ANKRD12: variants seen among roughly 807,000 people sequenced by gnomAD.
ANKRD12 encodes the protein ankyrin repeat domain 12.
ANKRD12 carries 85 observed loss-of-function variants against 183.4 expected under a neutral mutation model. That is an observed-to-expected ratio of 0.46 (90% CI 0.39 to 0.56). ANKRD12 has a LOEUF of 0.56. Ranked by LOEUF, ANKRD12 falls within the 20% of genes least tolerant of loss-of-function variation. The pLI is 0.00. For missense variants in ANKRD12, 2,405 were observed against 2,357.1 expected (o/e 1.02, Z -0.42); for synonymous variants, 914 against 800.2 (o/e 1.14, Z -2.40).
At chr18:9,221,321 C>T (rs1387156824) in intron 7 of ANKRD12, among the ~76,000 whole-genome samples, 1 of 152,054 alleles carries the variant, frequency 6.6e-6, no homozygotes, top group Non-Finnish European at 1.5e-5. Context: ...GTAAAGGACC[C>T]ATGAAAGTGA....
In ANKRD12 at chr18:9,284,995, AG is replaced by A. The variant is rs1323580213; in HGVS notation, c.*3871del. ...GCCAAGGCGGGCGGATCACGAGGTC[AG>A]GAGATCGAGACCATCCTGGCTAACA... On this transcript the variant is annotated 3_prime_UTR_variant, in exon 13 of 13. Transcript: ENST00000262126. 1 of 152,078 alleles carries A rather than the reference AG, an allele frequency of 6.6e-6. No individual in the cohort carries two copies. The highest frequency in any genetic ancestry group is 1.5e-5 in the Non-Finnish European group (1 of 67,946). 9.4% of individuals were successfully genotyped at this position (152,078 alleles called of 1,614,324 possible).
At chr18:9,245,666 A>T (rs921081732) in intron 8 of ANKRD12, among the ~76,000 whole-genome samples, 5 of 152,348 alleles carry the variant, frequency 3.3e-5, no homozygotes, top group African/African-American at 1.2e-4. Context: ...AGTATGTTTC[A>T]TAGCATTTTG....
intron 1 of ANKRD12, among the ~76,000 whole-genome samples, chr18:9,137,407 G>A (rs2078146867): frequency 6.8e-6 from 1 of 146,476 alleles, no homozygotes; most frequent in African/African-American, 2.4e-5. Flanking sequence ...ACATGGCGGG[G>A]CCGGAGGAGC....
intron 8 of ANKRD12, among the ~76,000 whole-genome samples, chr18:9,229,222 G>C (rs866987758): frequency 6.6e-6 from 1 of 151,734 alleles, no homozygotes; most frequent in Non-Finnish European, 1.5e-5. Context: ...AATATATTTT[G>C]AAGTGATTCC....
chr18:9,214,688 TA>T (rs1302770661), intron 6 of ANKRD12, among the ~76,000 whole-genome samples: 2 of 152,152 alleles, frequency 1.3e-5, no homozygotes, highest in African/African-American at 4.8e-5. Flanking sequence ...AATTGCTTGA[TA>T]ATGTACTATA....
intron 1 of ANKRD12, among the ~76,000 whole-genome samples, chr18:9,141,825 C>A (rs1359685227): frequency 6.6e-6 from 1 of 152,110 alleles, no homozygotes; most frequent in Non-Finnish European, 1.5e-5. Context: ...TTTTTAACTA[C>A]CTTATGTCTG....
intron 1 of ANKRD12, among the ~76,000 whole-genome samples, chr18:9,159,090 C>A (rs1452442127): frequency 6.6e-6 from 1 of 152,068 alleles, no homozygotes; most frequent in Non-Finnish European, 1.5e-5. Flanking sequence ...CTTTTGTTTC[C>A]TGCCTTGGCC....
intron 2 of ANKRD12, among the ~76,000 whole-genome samples, chr18:9,186,750 C>CTTTTTTTTTTTT (rs759387137): frequency 1.7e-5 from 2 of 117,274 alleles, no homozygotes; most frequent in Non-Finnish European, 3.6e-5. Flanking sequence ...CTTTGATTGT[C>CTTTTTTTTTTTT]TTTTTTTTTT....
In ANKRD12 at chr18:9,209,541, C is replaced by T. The variant is rs1299215837; in HGVS notation, c.451+738C>T. 4.6e-5 allele frequency among the ~76,000 whole-genome samples: 7 copies of T among 152,198 alleles called. No homozygotes were observed. In the South Asian group the frequency reaches 1.5e-3, roughly 32 times the overall value. On this transcript the variant is annotated intron_variant, in intron 5 of 12. Coordinates refer to ENST00000262126, the MANE Select transcript of ANKRD12 (RefSeq NM_015208.5). ...TGCCTCTTTTTAAAAAACGGGATGA[C>T]ATGGTTAAATTCTTAAGAGTTTCTA...
At chr18:9,144,687 C>G (rs1285349954) in intron 1 of ANKRD12, among the ~76,000 whole-genome samples, 3 of 152,108 alleles carry the variant, frequency 2.0e-5, no homozygotes, top group African/African-American at 7.2e-5. Flanking sequence ...ATCTTATTCC[C>G]ATTTTGCACC....
intron 10 of ANKRD12, among the ~76,000 whole-genome samples, chr18:9,271,739 T>C (rs989990400): frequency 6.6e-6 from 1 of 152,210 alleles, no homozygotes; most frequent in African/African-American, 2.4e-5. Flanking sequence ...TAGAAATATT[T>C]GTGATTTCTA....
chr18:9,256,297 A>G lies in ANKRD12; in HGVS notation c.3030A>G (p.Lys1010=). Residue 1010 remains lysine, a synonymous_variant, in exon 9 of 13, where the codon AAA becomes AAG. Transcript: ENST00000262126. ...AAAAAACAAAAGATGAACCTTTGAA[A>G]ACTCCAGATGGAAAAGAAAAAGATA... ...LKEKTKDEPL[K]TPDGKEKDKK... The G allele has an allele frequency of 6.2e-7, 1 of 1,603,998 alleles. No individual in the cohort carries two copies. Among genetic ancestry groups the G allele is most frequent in the Non-Finnish European group, 8.5e-7 (1 of 1,176,716 alleles).
chr18:9,223,084 T>G (rs1478354149), intron 8 of ANKRD12, among the ~76,000 whole-genome samples: 1 of 152,104 alleles, frequency 6.6e-6, no homozygotes, highest in Non-Finnish European at 1.5e-5. Flanking sequence ...AAATACAAAA[T>G]TAAAACCAAC....
At chr18:9,173,617 GGGGGGGGGGTA>G (rs1325783731) in intron 1 of ANKRD12, among the ~76,000 whole-genome samples, 2 of 90,852 alleles carry the variant, frequency 2.2e-5, no homozygotes, top group African/African-American at 9.7e-5. Context: ...GTGGGGTGGT[GGGGGGGGGGTA>G]GGGGGGGCAG....
At chr18:9,141,973 C>G (rs945163953) in intron 1 of ANKRD12, among the ~76,000 whole-genome samples, 2 of 152,088 alleles carry the variant, frequency 1.3e-5, no homozygotes, top group African/African-American at 4.8e-5. Flanking sequence ...TCAGACTGGT[C>G]TTGGTCTTGA....
chr18:9,223,063 A>G (rs1157856354), intron 8 of ANKRD12, among the ~76,000 whole-genome samples: 1 of 152,234 alleles, frequency 6.6e-6, no homozygotes, highest in Non-Finnish European at 1.5e-5. Flanking sequence ...AAATTTAATT[A>G]TCTGAAATTT....
intron 1 of ANKRD12, among the ~76,000 whole-genome samples, chr18:9,160,776 A>G (rs1282967879): frequency 6.6e-6 from 1 of 152,228 alleles, no homozygotes; most frequent in African/African-American, 2.4e-5. Context: ...AATGTTCTAG[A>G]AGCAGTTAAT....
chr18:9,166,151 T>C (rs1159743031), intron 1 of ANKRD12, among the ~76,000 whole-genome samples: 1 of 152,164 alleles, frequency 6.6e-6, no homozygotes, highest in Non-Finnish European at 1.5e-5. Flanking sequence ...TCCAAGTCTT[T>C]GCTGTTGTGA....
intron 8 of ANKRD12, among the ~76,000 whole-genome samples, chr18:9,233,385 T>C (rs1291491126): frequency 6.6e-6 from 1 of 152,160 alleles, no homozygotes; most frequent in African/African-American, 2.4e-5. Context: ...TTCCTTAGTA[T>C]CATAGTTTTG....
Sources: allele counts gnomAD v4.1 joint callset (sites outside exome capture counted in the v4.1 genomes callset), GRCh38; gene constraint gnomAD v4.1.1; transcripts MANE v1.5; gene names NCBI Gene and HGNC (gene_info 2026-07-23, HGNC 2026-07-21).